STPG2: variants seen among roughly 807,000 people sequenced by gnomAD.
STPG2 encodes sperm-tail PG-rich repeat-containing protein 2.
A neutral mutation model predicts 54.2 loss-of-function variants in STPG2; 56 were observed. The ratio of observed to expected loss-of-function variants is 1.03; its 90% CI spans 0.83 to 1.29. The LOEUF is 1.29. Ranked by LOEUF, STPG2 falls within the 50% of genes most tolerant of loss-of-function variation. The pLI is 0.00. For synonymous variants in STPG2, 200 were observed against 181.8 expected (o/e 1.10, Z -0.81); for missense variants, 596 against 544.9 (o/e 1.09, Z -0.93).
chr4:97,969,081 C>T (rs568296463), intron 7 of STPG2, among the ~76,000 whole-genome samples: 11 of 152,310 alleles, frequency 7.2e-5, no homozygotes, highest in South Asian at 6.2e-4. Context: ...CATCTTGCCA[C>T]GGCTCTTCTA....
chr4:97,684,505 A>G (rs1001992736), intron 10 of STPG2, among the ~76,000 whole-genome samples: 1 of 151,998 alleles, frequency 6.6e-6, no homozygotes, highest in African/African-American at 2.4e-5. Flanking sequence ...CAACAAAGAA[A>G]AATGGTTCCG....
chr4:97,898,003 T>C (rs1375288755), intron 8 of STPG2, among the ~76,000 whole-genome samples: 4 of 152,186 alleles, frequency 2.6e-5, no homozygotes, highest in Non-Finnish European at 2.9e-5. Context: ...AATAGTATTG[T>C]CCAGGTTGTC....
chr4:97,965,946 A>G (rs945789434), intron 7 of STPG2, among the ~76,000 whole-genome samples: 2 of 152,246 alleles, frequency 1.3e-5, no homozygotes, highest in African/African-American at 4.8e-5. Flanking sequence ...TCTAAAAACC[A>G]GAGTGCCTCT....
intron 5 of STPG2, among the ~76,000 whole-genome samples, chr4:98,062,613 T>G (rs1441980672): frequency 6.6e-6 from 1 of 152,104 alleles, no homozygotes; most frequent in South Asian, 2.1e-4. Context: ...TATCCACAAC[T>G]TTTTCAACCT....
At chr4:97,629,722 T>C (rs17026850) in intron 10 of STPG2, among the ~76,000 whole-genome samples, 19,643 of 151,950 alleles carry the variant, frequency 0.13, 3,884 homozygotes, top group African/African-American at 0.43. Flanking sequence ...ACAATCTAAT[T>C]TCATGTGTAA....
At chr4:98,017,190 C>A (rs940556674) in intron 5 of STPG2, among the ~76,000 whole-genome samples, 1 of 151,674 alleles carries the variant, frequency 6.6e-6, no homozygotes, top group Non-Finnish European at 1.5e-5. Context: ...AGGCCTAGAG[C>A]GTGGATCTGC....
At chr4:97,589,361 TC>T (rs1733079687) in intron 10 of STPG2, among the ~76,000 whole-genome samples, 1 of 152,086 alleles carries the variant, frequency 6.6e-6, no homozygotes, top group Admixed American at 6.6e-5. Context: ...TTTATTAACA[TC>T]TTTGTAGTTT....
At chr4:97,453,280 C>A (rs918148969) in intron 4 of STPG2, among the ~76,000 whole-genome samples, 6 of 152,226 alleles carry the variant, frequency 3.9e-5, no homozygotes, top group African/African-American at 1.4e-4. Context: ...CATGTCGGCA[C>A]TGGAGCTGCC....
chr4:97,443,226 A>G (rs1729134359), intron 4 of STPG2, among the ~76,000 whole-genome samples: 1 of 152,192 alleles, frequency 6.6e-6, no homozygotes, highest in African/African-American at 2.4e-5. Flanking sequence ...CACAAGGCCA[A>G]AAGACCAAGA....
At chr4:97,642,153 G>C (rs2148946244) in intron 10 of STPG2, among the ~76,000 whole-genome samples, 1 of 151,408 alleles carries the variant, frequency 6.6e-6, no homozygotes, top group East Asian at 1.9e-4. Flanking sequence ...CCTATTTGTA[G>C]AGTGTTTTAT....
At chr4:97,976,983 A>C (rs974510109) in intron 6 of STPG2, among the ~76,000 whole-genome samples, 4 of 152,176 alleles carry the variant, frequency 2.6e-5, no homozygotes, top group Admixed American at 6.6e-5. Flanking sequence ...TTGGAACTTT[A>C]AATTATTTTG....
At chr4:97,579,538 C>CA (rs1243122065) in intron 10 of STPG2, among the ~76,000 whole-genome samples, 2 of 151,996 alleles carry the variant, frequency 1.3e-5, no homozygotes, top group African/African-American at 4.8e-5. Flanking sequence ...AAAATAATCA[C>CA]AAAGTTAAGA....
chr4:97,628,829 A>G (rs139399251), intron 10 of STPG2, among the ~76,000 whole-genome samples: 4 of 152,056 alleles, frequency 2.6e-5, no homozygotes, highest in Non-Finnish European at 4.4e-5. Context: ...GATTTTTACA[A>G]TATTGTCACT....
At chr4:97,766,697 G>A (rs1726065034) in intron 9 of STPG2, among the ~76,000 whole-genome samples, 1 of 151,876 alleles carries the variant, frequency 6.6e-6, no homozygotes, top group Non-Finnish European at 1.5e-5. Context: ...TTTCATGCTT[G>A]CTTTTATGAG....
intron 10 of STPG2, among the ~76,000 whole-genome samples, chr4:97,640,538 T>G (rs1441383677): frequency 1.3e-5 from 2 of 151,872 alleles, no homozygotes; most frequent in Non-Finnish European, 2.9e-5. Context: ...ATATTGATAA[T>G]TTGACAAATA....
At chr4:97,989,108 C>G (rs1018653771) in intron 5 of STPG2, among the ~76,000 whole-genome samples, 1 of 152,088 alleles carries the variant, frequency 6.6e-6, no homozygotes, top group Non-Finnish European at 1.5e-5. Flanking sequence ...AGATTCTTGC[C>G]ATTATTTGCT....
intron 8 of STPG2, among the ~76,000 whole-genome samples, chr4:97,873,219 C>T (rs1730053960): frequency 6.6e-6 from 1 of 150,598 alleles, no homozygotes; most frequent in Non-Finnish European, 1.5e-5. Flanking sequence ...TTTCCTTCCT[C>T]CTTTCCTTCC....
chr4:98,076,048 T>A (rs549008318), intron 5 of STPG2, among the ~76,000 whole-genome samples: 33 of 152,174 alleles, frequency 2.2e-4, no homozygotes, highest in African/African-American at 7.5e-4. Flanking sequence ...ATTGAGACCA[T>A]CCTGGCTAAC....
At chr4:97,565,212 C>G (rs1416911873) in intron 10 of STPG2, among the ~76,000 whole-genome samples, 1 of 152,202 alleles carries the variant, frequency 6.6e-6, no homozygotes, top group African/African-American at 2.4e-5. Flanking sequence ...ACCCTTTCTT[C>G]CAGTTGATCA....
Sources: allele counts gnomAD v4.1 joint callset (sites outside exome capture counted in the v4.1 genomes callset), GRCh38; gene constraint gnomAD v4.1.1; transcripts MANE v1.5; gene names NCBI Gene and HGNC (gene_info 2026-07-23, HGNC 2026-07-21).